PHYKPL: variants seen among roughly 807,000 people sequenced by gnomAD.
The protein encoded by PHYKPL is 5-phosphohydroxy-L-lysine phospho-lyase, also known as 5-phosphonooxy-L-lysine phospho-lyase.
Under a neutral mutation model 51.3 loss-of-function variants are expected in PHYKPL, and 42 were observed. That is an observed-to-expected ratio of 0.82 (90% CI 0.64 to 1.06). PHYKPL has a LOEUF of 1.06. Among genes scored for constraint, PHYKPL ranks in the 50% least tolerant of loss-of-function variants. PHYKPL has a pLI of 0.00. For missense variants in PHYKPL, 655 were observed against 586.6 expected (o/e 1.12, Z -1.20); for synonymous variants, 264 against 236.0 (o/e 1.12, Z -1.09).
intron 12 of PHYKPL, chr5:178,210,291 G>A: frequency 6.2e-7 from 1 of 1,614,040 alleles, no homozygotes; most frequent in Non-Finnish European, 8.5e-7. Context: ...GAGAGAGGGA[G>A]GCCCCATCCG....
intron 3 of PHYKPL, 50 bp downstream of exon 3, chr5:178,229,890 C>G: frequency 6.3e-7 from 1 of 1,595,684 alleles, no homozygotes; most frequent in South Asian, 1.1e-5. Context: ...GAGTGACTGT[C>G]TTTGTTACCG....
intron 8 of PHYKPL, among the ~76,000 whole-genome samples, chr5:178,218,668 A>G (rs1760461527): frequency 6.6e-6 from 1 of 152,196 alleles, no homozygotes; most frequent in Admixed American, 6.5e-5. Context: ...TAACCCACCC[A>G]GTCTATGGTA....
At chr5:178,220,221 G>A (rs1054881723) in intron 8 of PHYKPL, among the ~76,000 whole-genome samples, 2 of 149,462 alleles carry the variant, frequency 1.3e-5, no homozygotes, top group Non-Finnish European at 3.0e-5. Flanking sequence ...AAAGAATGCC[G>A]GATGCAGTGG....
At position 178,232,259 on chromosome 5, in the gene PHYKPL, G is replaced by A. The variant is rs932129297; in HGVS notation, c.59+233C>T. The stretch of plus-strand genomic sequence containing the variant: ...CGTCTCCTGAACTGGGCGGCCTGGA[G>A]ACGGCGCTGTCGGGGAGGCGGCCCC... On this transcript the variant is annotated intron_variant, in intron 1 of 12. Transcript: ENST00000308158. 3.7e-5 allele frequency: 46 copies of A among 1,234,766 alleles called. No individual in the cohort carries two copies. The African/African-American group carries it at 7.1e-4, about 19-fold the overall frequency. The allele number at this position is 1,234,766 out of a possible 1,614,324, so 76.5% of individuals were successfully genotyped here.
At chr5:178,217,447 G>GGACCTCAAAAACCCC (rs1760043794) in intron 8 of PHYKPL, among the ~76,000 whole-genome samples, 1 of 151,290 alleles carries the variant, frequency 6.6e-6, no homozygotes, top group African/African-American at 2.4e-5. Flanking sequence ...TCTTAAACCC[G>GGACCTCAAAAACCCC]GGACCTCAAG....
chr5:178,231,437 T>C lies in PHYKPL; in HGVS notation c.146A>G (p.Glu49Gly), dbSNP rs767537846. 6 of 1,614,208 alleles carry C rather than the reference T, an allele frequency of 3.7e-6. No homozygotes were observed. The South Asian group carries it at 5.5e-5, about 15-fold the overall frequency. Reference sequence around the variant, plus strand: ...CACATTGCTGATGCAATCGATGTATTCTGCCCCCTGTTCATCGTACATGTA... The same window carrying C: ...CACATTGCTGATGCAATCGATGTATCCTGCCCCCTGTTCATCGTACATGTA... ...GQYMYDEQGA[E>G]YIDCISNVAH... The change falls in exon 2 of 13, where the codon GAA becomes GGA. Residue 49 changes from glutamate to glycine, a missense_variant. Physicochemically the swap from Glu to Gly is moderately conservative, Grantham distance 98. Coordinates refer to ENST00000308158, the MANE Select transcript of PHYKPL (RefSeq NM_153373.4).
At chr5:178,219,356 A>G (rs1204113411) in intron 8 of PHYKPL, among the ~76,000 whole-genome samples, 3 of 152,086 alleles carry the variant, frequency 2.0e-5, no homozygotes, top group Non-Finnish European at 2.9e-5. Flanking sequence ...AGACACACAC[A>G]CATACAAACA....
chr5:178,228,545 A>G (rs1762735773), intron 3 of PHYKPL: 1 of 701,840 alleles, frequency 1.4e-6, no homozygotes. Flanking sequence ...TGACATGGCA[A>G]ATGTCTGGGC....
At chr5:178,216,046 TTAAAGTA>T (rs1309905481) in intron 8 of PHYKPL, 7 of 152,194 alleles carry the variant, frequency 4.6e-5, no homozygotes, top group Non-Finnish European at 7.3e-5. Context: ...TAAACTGTGT[TTAAAGTA>T]TAAAGTTCAA....
chr5:178,230,338 A>G, intron 2 of PHYKPL: 1 of 519,396 alleles, frequency 1.9e-6, no homozygotes, highest in East Asian at 3.2e-5. Flanking sequence ...CTGTCTAGAA[A>G]GCCCATGTCT....
chr5:178,216,653 A>G (rs910656011), intron 8 of PHYKPL: 2 of 152,284 alleles, frequency 1.3e-5, no homozygotes, highest in African/African-American at 4.8e-5. Context: ...AGCATGGCCC[A>G]GACACGGGAG....
chr5:178,222,908 C>T lies in PHYKPL; in HGVS notation c.645G>A (p.Leu215=). 1 of 1,614,156 alleles carries T rather than the reference C, an allele frequency of 6.2e-7. No individual in the cohort carries two copies. Among genetic ancestry groups the T allele is most frequent in the Admixed American group, 1.7e-5 (1 of 60,014 alleles). Reference sequence around the variant, plus strand: ...GAATGATCTGCCCTCCCACACTGGGCAGAGACTCAGCGAAGAAGGCTGCAA... The same window carrying T: ...GAATGATCTGCCCTCCCACACTGGGTAGAGACTCAGCGAAGAAGGCTGCAA... ...RKIAAFFAES[L]PSVGGQIIPP... The change falls in exon 7 of 13, where the codon CTG becomes CTA. Residue 215 remains leucine, a synonymous_variant. Coordinates refer to ENST00000308158, the MANE Select transcript of PHYKPL (RefSeq NM_153373.4).
rs1322173449 is a variant in PHYKPL, at chr5:178,213,103, C to T, written c.1173G>A (p.Arg391=). The T allele has an allele frequency of 7.4e-6, 12 of 1,613,814 alleles. No homozygotes were observed. The highest frequency in any genetic ancestry group is 1.3e-5 in the African/African-American group (1 of 74,942). The change falls in exon 11 of 13, where the codon AGG becomes AGA. Residue 391 remains arginine, a splice_region_variant and synonymous_variant. Transcript: ENST00000308158. ...ATEEAAYLVS[R]LKENYVLLST... ...TCAGCAAAACGTAGTTCTCCTTCAG[C>T]CTGTGAGGACAGGACACCCCTTCAC...
chr5:178,211,613 G>A (rs11742788), intron 12 of PHYKPL: 2 of 379,108 alleles, frequency 5.3e-6, no homozygotes, highest in Non-Finnish European at 9.7e-6. Flanking sequence ...CTGGTATTTA[G>A]GGCATAAGAC....
intron 3 of PHYKPL, chr5:178,226,469 T>C (rs1762316841): frequency 2.0e-5 from 3 of 152,186 alleles, no homozygotes; most frequent in African/African-American, 4.8e-5. Context: ...GGGAAATACA[T>C]TTACTGGTTT....
intron 11 of PHYKPL, 102 bp from the exon 12 acceptor site, chr5:178,212,072 C>A: frequency 1.6e-6 from 2 of 1,278,488 alleles, no homozygotes; most frequent in South Asian, 1.2e-5. Flanking sequence ...AGAGATTGGG[C>A]CCTCTGGCTA....
rs986325113 is a variant in PHYKPL at position 178,222,890 on chromosome 5, C to G, written c.663G>C (p.Gln221His). 3.1e-6 allele frequency: 5 copies of G among 1,614,168 alleles called. No individual in the cohort carries two copies. The Admixed American group carries it at 8.3e-5, about 27-fold the overall frequency. ...AGAAGTAGCCAGCAGGGGGAATGAT[C>G]TGCCCTCCCACACTGGGCAGAGACT... ...FAESLPSVGG[Q>H]IIPPAGYFSQ... The change falls in exon 7 of 13, where the codon CAG becomes CAC. Residue 221 changes from glutamine (Q) to histidine (H), a missense_variant. Coordinates refer to ENST00000308158, the MANE Select transcript of PHYKPL (RefSeq NM_153373.4).
At chr5:178,221,348 T>C (rs1437309409) in intron 8 of PHYKPL, among the ~76,000 whole-genome samples, 3 of 152,124 alleles carry the variant, frequency 2.0e-5, no homozygotes, top group African/African-American at 7.2e-5. Context: ...CCTCTACTGC[T>C]TGTCCCACAG....
intron 8 of PHYKPL, chr5:178,216,490 CAAAG>C (rs1014036102): frequency 3.9e-5 from 6 of 152,198 alleles, no homozygotes; most frequent in East Asian, 3.9e-4. Flanking sequence ...CCACACATGA[CAAAG>C]AACACAACTT....
Sources: gnomAD v4.1 joint callset for allele counts (sites outside exome capture counted in the v4.1 genomes callset) on GRCh38, gnomAD v4.1.1 for gene constraint, MANE v1.5 for transcripts, NCBI Gene and HGNC (gene_info 2026-07-23, HGNC 2026-07-21) for gene names.